OR2V2: variants seen among roughly 807,000 people sequenced by gnomAD.
OR2V2 encodes the protein olfactory receptor 2V2.
For synonymous variants in OR2V2, 161 were observed against 151.3 expected (o/e 1.06, Z -0.47); for missense variants, 392 against 392.2 (o/e 1.00, Z 0.00).
chr5:181,151,752 G>A (rs908295858), intron 1 of OR2V2, among the ~76,000 whole-genome samples: 1 of 152,094 alleles, frequency 6.6e-6, no homozygotes, highest in African/African-American at 2.4e-5. Flanking sequence ...ATCCCATGAC[G>A]GCTTTGGCAT....
chr5:181,148,265 G>A (rs1234447310), intron 1 of OR2V2, among the ~76,000 whole-genome samples: 1 of 152,084 alleles, frequency 6.6e-6, no homozygotes, highest in Non-Finnish European at 1.5e-5. Flanking sequence ...CCCTCCCTCT[G>A]TCTGGGTTGG....
chr5:181,154,589 CAAA>C (rs57898232), intron 1 of OR2V2, among the ~76,000 whole-genome samples: 3 of 115,022 alleles, frequency 2.6e-5, no homozygotes, highest in Non-Finnish European at 5.6e-5. Context: ...GACTCCATCT[CAAA>C]AAAAAAAAAA....
At chr5:181,148,275 G>A (rs547230711) in intron 1 of OR2V2, among the ~76,000 whole-genome samples, 23 of 152,228 alleles carry the variant, frequency 1.5e-4, no homozygotes, top group African/African-American at 5.5e-4. Flanking sequence ...GTCTGGGTTG[G>A]AGACTGGGCT....
Position 181,155,942 on chromosome 5 carries a change from G to A in OR2V2, c.*52G>A, listed in dbSNP as rs149840180. ...GCCATCTCTTAGCTCCAGGGATGTCGGGTTAATAATTCTCTCATTTTCAGT... is the reference window on the plus strand; with the variant it reads ...GCCATCTCTTAGCTCCAGGGATGTCAGGTTAATAATTCTCTCATTTTCAGT... On this transcript the variant is annotated 3_prime_UTR_variant, in exon 2 of 2. Coordinates refer to ENST00000641492, the MANE Select transcript of OR2V2 (RefSeq NM_206880.2). 54 of 1,490,060 alleles carry A rather than the reference G, an allele frequency of 3.6e-5. No homozygotes were observed. The highest frequency in any genetic ancestry group is 1.8e-4 in the South Asian group (14 of 79,982). 92.3% of individuals were successfully genotyped at this position (1,490,060 alleles called of 1,614,324 possible). A position where few individuals can be genotyped will look rare whatever the true frequency, so the allele number is the denominator to read the frequency against.
rs1261012404 is a variant in OR2V2 at position 181,155,337 on chromosome 5, A to G, written c.395A>G (p.His132Arg). 1.9e-6 allele frequency: 3 copies of G among 1,613,906 alleles called. No homozygotes were observed. Among genetic ancestry groups the G allele is most frequent in the East Asian group, 4.5e-5 (2 of 44,886 alleles). The change falls in exon 2 of 2, where the codon CAC becomes CGC. Residue 132 changes from histidine to arginine, a missense_variant. Coordinates refer to ENST00000641492, the MANE Select transcript of OR2V2 (RefSeq NM_206880.2). The part of the protein sequence containing the change: ...DRYVAISHPL[H>R]YPILMNQRVC... ...TATGTGGCCATTAGCCACCCACTTC[A>G]CTATCCCATCCTCATGAATCAGAGG...
At position 181,158,771 on chromosome 5, in the gene OR2V2, T is replaced by C. The variant is rs1763297964; in HGVS notation, c.*2881T>C. ...CACTTTTGTGTATGCCTGACATTTT[T>C]TATAATTAACAGTTTAAAATGCTCA... On this transcript the variant is annotated 3_prime_UTR_variant, in exon 2 of 2. Coordinates refer to ENST00000641492, the MANE Select transcript of OR2V2 (RefSeq NM_206880.2). 1 of 152,096 alleles carries C rather than the reference T, an allele frequency of 6.6e-6. No homozygotes were observed. The highest frequency in any genetic ancestry group is 1.5e-5 in the Non-Finnish European group (1 of 68,012). 9.4% of individuals were successfully genotyped at this position (152,096 alleles called of 1,614,324 possible). A position where few individuals can be genotyped will look rare whatever the true frequency, so the allele number is the denominator to read the frequency against.
At position 181,155,668 on chromosome 5, in the gene OR2V2, C is replaced by T; in HGVS notation, c.726C>T (p.Cys242=). Residue 242 remains cysteine, a synonymous_variant, in exon 2 of 2, where the codon TGC becomes TGT. Transcript: ENST00000641492. ...CCTGGAAAAAGGCCCTGGCCACCTG[C>T]TCCTCCCACCTGACAGCTGTCACCC... ...AQAWKKALAT[C]SSHLTAVTLF... 1.2e-6 allele frequency: 2 copies of T among 1,614,248 alleles called. No homozygotes were observed. Among genetic ancestry groups the T allele is most frequent in the South Asian group, 2.2e-5 (2 of 91,082 alleles).
Position 181,155,709 on chromosome 5 carries a change from C to A in OR2V2, c.767C>A (p.Ala256Asp). Residue 256 changes from alanine (A) to aspartate (D), a missense_variant, in exon 2 of 2, where the codon GCC becomes GAC. Ala to Asp is a moderately radical substitution (Grantham distance 126). Coordinates refer to ENST00000641492, the MANE Select transcript of OR2V2 (RefSeq NM_206880.2). ...LTAVTLFYGA[A>D]MFIYLRPRHY... ...GCTGTCACCCTCTTCTATGGGGCAG[C>A]CATGTTCATCTACCTGAGGCCTAGG... 1 of 1,614,190 alleles carries A rather than the reference C, an allele frequency of 6.2e-7. No individual in the cohort carries two copies. Among genetic ancestry groups the A allele is most frequent in the Non-Finnish European group, 8.5e-7 (1 of 1,180,038 alleles).
At chr5:181,148,064 C>T (rs556570363) in intron 1 of OR2V2, 69 bp downstream of exon 1, 42 of 398,930 alleles carry the variant, frequency 1.1e-4, no homozygotes, top group East Asian at 6.1e-4. Flanking sequence ...TGCTGGTTCA[C>T]GTCCCCATTT....
In OR2V2 at chr5:181,154,951, G is replaced by C. The variant is rs748701074; in HGVS notation, c.9G>C (p.Thr3=). The change falls in exon 2 of 2, where the codon ACG becomes ACC. Residue 3 remains threonine, a synonymous_variant. Transcript: ENST00000641492. The part of the protein sequence containing the change: ME[T]WVNQSYTDGF... ...GGAGCAACAACCGAGCCATGGAGACGTGGGTGAACCAGTCCTACACAGATG... is the reference window on the plus strand; with the variant it reads ...GGAGCAACAACCGAGCCATGGAGACCTGGGTGAACCAGTCCTACACAGATG... 1 of 1,612,450 alleles carries C rather than the reference G, an allele frequency of 6.2e-7. No homozygotes were observed. The highest frequency in any genetic ancestry group is 8.5e-7 in the Non-Finnish European group (1 of 1,178,504).
intron 1 of OR2V2, among the ~76,000 whole-genome samples, chr5:181,151,690 A>G (rs1450321161): frequency 6.6e-6 from 1 of 152,114 alleles, no homozygotes; most frequent in Non-Finnish European, 1.5e-5. Context: ...GCAGCTGTAT[A>G]TGTTCTGTAG....
Position 181,148,146 on chromosome 5 carries a change from G to T in OR2V2, c.-25+151G>T, listed in dbSNP as rs76313065. On this transcript the variant is annotated intron_variant, in intron 1 of 1. Coordinates refer to ENST00000641492, the MANE Select transcript of OR2V2 (RefSeq NM_206880.2). ...CAGGGTGTAATTGTTTGGATTTTTG[G>T]GGGGGCATCCGCCTTCTGGTGTGAT... Among the ~76,000 whole-genome samples the T allele has an allele frequency of 5.2e-3, 785 of 152,210 alleles. 5 individuals carry two copies. Among genetic ancestry groups the T allele is most frequent in the Non-Finnish European group, 9.2e-3 (624 of 68,008 alleles).
In OR2V2 at chr5:181,156,334, T is replaced by A. The variant is rs2113349889; in HGVS notation, c.*444T>A. On this transcript the variant is annotated 3_prime_UTR_variant, in exon 2 of 2. Coordinates refer to ENST00000641492, the MANE Select transcript of OR2V2 (RefSeq NM_206880.2). ...TGTTTTACTATGTTGCCCAGGCTGGTCTCGAACTCCTGGACTCAAGCAATC... is the reference window on the plus strand; with the variant it reads ...TGTTTTACTATGTTGCCCAGGCTGGACTCGAACTCCTGGACTCAAGCAATC... 6.4e-6 allele frequency: 1 copy of A among 157,374 alleles called. No homozygotes were observed. The highest frequency in any genetic ancestry group is 1.9e-4 in the South Asian group (1 of 5,214). 9.7% of individuals were successfully genotyped at this position (157,374 alleles called of 1,614,324 possible). A position where few individuals can be genotyped will look rare whatever the true frequency, so the allele number is the denominator to read the frequency against.
At chr5:181,153,725 C>T (rs915373865) in intron 1 of OR2V2, among the ~76,000 whole-genome samples, 2 of 152,122 alleles carry the variant, frequency 1.3e-5, no homozygotes, top group African/African-American at 4.8e-5. Context: ...TCAAGGGAAA[C>T]CCCTCTTTAT....
chr5:181,153,730 C>T (rs1763221242), intron 1 of OR2V2, among the ~76,000 whole-genome samples: 1 of 152,152 alleles, frequency 6.6e-6, no homozygotes. Context: ...GGAAACCCCT[C>T]TTTATTAGCA....
chr5:181,152,834 C>T (rs1343294654), intron 1 of OR2V2, among the ~76,000 whole-genome samples: 1 of 152,230 alleles, frequency 6.6e-6, no homozygotes, highest in Non-Finnish European at 1.5e-5. Flanking sequence ...TGAACCAGAG[C>T]CTCAGGAGAG....
intron 1 of OR2V2, among the ~76,000 whole-genome samples, chr5:181,149,612 C>T (rs1763168279): frequency 1.3e-5 from 2 of 152,202 alleles, no homozygotes; most frequent in African/African-American, 2.4e-5. Flanking sequence ...ACAGAACCTC[C>T]CTCGTCAGAG....
chr5:181,154,310 C>T (rs1475387956), intron 1 of OR2V2, among the ~76,000 whole-genome samples: 1 of 152,176 alleles, frequency 6.6e-6, no homozygotes, highest in East Asian at 1.9e-4. Context: ...TCGGTATCGG[C>T]CGGGCGCGGT....
At chr5:181,148,611 G>A (rs1242279465) in intron 1 of OR2V2, among the ~76,000 whole-genome samples, 1 of 152,246 alleles carries the variant, frequency 6.6e-6, no homozygotes, top group African/African-American at 2.4e-5. Flanking sequence ...ATAGATGCCA[G>A]GCACTGGTCC....
Sources: allele counts gnomAD v4.1 joint callset (sites outside exome capture counted in the v4.1 genomes callset), GRCh38; gene constraint gnomAD v4.1.1; transcripts MANE v1.5; gene names NCBI Gene and HGNC (gene_info 2026-07-23, HGNC 2026-07-21).